POLA1: variants seen among roughly 807,000 people sequenced by gnomAD.
The protein encoded by POLA1 is DNA polymerase alpha 1, catalytic subunit.
A neutral mutation model predicts 124.0 loss-of-function variants in POLA1; 15 were observed. The observed-to-expected ratio is 0.12, with a 90% confidence interval of 0.08 to 0.19. The LOEUF is 0.19. Among genes scored for constraint, POLA1 ranks in the 10% least tolerant of loss-of-function variants. The pLI, the probability that POLA1 is intolerant of heterozygous loss-of-function variation, is 1.00. For missense variants in POLA1, 886 were observed against 1,103.4 expected, an observed-to-expected ratio of 0.80 and a Z score of 2.79; for synonymous variants, 408 against 389.4, an observed-to-expected ratio of 1.05 and a Z score of -0.56.
chrX:24,937,183 A>G (rs2047860153), intron 36 of POLA1, among the ~76,000 whole-genome samples: 3 of 111,591 alleles, frequency 2.7e-5, no homozygotes, highest in African/African-American at 9.8e-5. Flanking sequence ...TACGTAAAGA[A>G]TTTTGGTAAG....
intron 26 of POLA1, among the ~76,000 whole-genome samples, chrX:24,779,268 G>T (rs759284793): frequency 9.0e-6 from 1 of 110,810 alleles, no homozygotes; most frequent in Non-Finnish European, 1.9e-5. Flanking sequence ...TAGTAGAGAC[G>T]GGGTTTCACC....
intron 23 of POLA1, chrX:24,744,562 C>T (rs779008699): frequency 2.8e-6 from 1 of 352,778 alleles, no homozygotes; most frequent in South Asian, 2.6e-5. Flanking sequence ...CGTTCCACTA[C>T]TGACATTTAT....
intron 36 of POLA1, among the ~76,000 whole-genome samples, chrX:24,977,847 G>A (rs1188517460): frequency 9.0e-6 from 1 of 111,311 alleles, no homozygotes; most frequent in Non-Finnish European, 1.9e-5. Flanking sequence ...AGCATGCCTT[G>A]GTGGGCTCAG....
At chrX:24,809,501 G>A (rs1156887352) in intron 26 of POLA1, among the ~76,000 whole-genome samples, 1 of 111,638 alleles carries the variant, frequency 9.0e-6, no homozygotes, top group African/African-American at 3.3e-5. Flanking sequence ...TAAATGTAGT[G>A]TGCTTTTTTT....
intron 34 of POLA1, among the ~76,000 whole-genome samples, chrX:24,863,641 A>G (rs1303523651): frequency 9.0e-6 from 1 of 111,654 alleles, no homozygotes; most frequent in Non-Finnish European, 1.9e-5. Context: ...CATGTCGTCT[A>G]CGGGTCACCC....
chrX:24,929,559 C>T (rs766274054), intron 35 of POLA1, among the ~76,000 whole-genome samples: 16 of 112,106 alleles, frequency 1.4e-4, no homozygotes, highest in Admixed American at 4.7e-4. Flanking sequence ...TTCCCCAGCT[C>T]GCAAGTTTCC....
At chrX:24,901,969 G>C (rs1045589109) in intron 35 of POLA1, among the ~76,000 whole-genome samples, 3 of 110,855 alleles carry the variant, frequency 2.7e-5, no homozygotes, top group African/African-American at 9.9e-5. Context: ...CAAAATTACA[G>C]AACCAGAGAA....
intron 26 of POLA1, among the ~76,000 whole-genome samples, chrX:24,785,486 G>A (rs958825873): frequency 7.2e-5 from 8 of 111,860 alleles, no homozygotes; most frequent in Admixed American, 2.8e-4. Flanking sequence ...GAAGAAAATT[G>A]TGTGAATTTC....
intron 11 of POLA1, 64 bp downstream of exon 11, chrX:24,723,331 C>T (rs1045181477): frequency 1.7e-5 from 12 of 686,389 alleles, no homozygotes; most frequent in Non-Finnish European, 2.8e-5. Flanking sequence ...CTGTGTTTTG[C>T]AGCCAGCTCT....
intron 26 of POLA1, among the ~76,000 whole-genome samples, chrX:24,801,481 C>G (rs2045703432): frequency 9.0e-6 from 1 of 111,615 alleles, no homozygotes. Context: ...CTATAATTTG[C>G]TTATGGTCTC....
intron 34 of POLA1, among the ~76,000 whole-genome samples, chrX:24,862,494 A>G (rs1400106466): frequency 8.9e-6 from 1 of 111,951 alleles, no homozygotes; most frequent in Non-Finnish European, 1.9e-5. Context: ...TGATCAGAAC[A>G]TTGCTTTTTA....
At chrX:24,965,920 G>A (rs767540073) in intron 36 of POLA1, among the ~76,000 whole-genome samples, 1 of 111,501 alleles carries the variant, frequency 9.0e-6, no homozygotes, top group South Asian at 3.8e-4. Context: ...ATAAACAAAG[G>A]TATCAAAAAG....
chrX:24,813,261 A>G (rs1477713706), intron 29 of POLA1, among the ~76,000 whole-genome samples: 1 of 111,125 alleles, frequency 9.0e-6, no homozygotes. Context: ...ATAATTGTTA[A>G]GATTTTCCCA....
chrX:24,888,268 A>G, intron 35 of POLA1, 146 bp downstream of exon 35: 2 of 397,428 alleles, frequency 5.0e-6, no homozygotes, highest in South Asian at 1.1e-4. Context: ...TACAGATTTC[A>G]GAAAGATACA....
intron 36 of POLA1, among the ~76,000 whole-genome samples, chrX:24,967,015 C>T (rs1045139517): frequency 2.7e-5 from 3 of 111,051 alleles, no homozygotes; most frequent in African/African-American, 9.8e-5. Context: ...TTTTTGTGTG[C>T]CAGAAAATAA....
rs754290112 is a variant in POLA1, at chrX:24,788,412, C to T, written c.2965-21486C>T. 58 of 1,192,473 alleles carry T rather than the reference C, an allele frequency of 4.9e-5. No homozygotes were observed. The East Asian group carries it at 1.2e-3, about 26-fold the overall frequency. On this transcript the variant is annotated intron_variant, in intron 26 of 36. Coordinates refer to ENST00000379068, the MANE Select transcript of POLA1 (RefSeq NM_001330360.2). The stretch of plus-strand genomic sequence containing the variant: ...GGATTTTAGATCTTGTTGAAAGCAG[C>T]CACATCCATGGACTGCACGTAGTCC...
chrX:24,756,576 A>G (rs1472421880), intron 26 of POLA1, among the ~76,000 whole-genome samples: 3 of 110,309 alleles, frequency 2.7e-5, no homozygotes, highest in Non-Finnish European at 5.7e-5. Flanking sequence ...AAAAAAAAAA[A>G]TTGAAATTTT....
chrX:24,727,769 T>G lies in POLA1; in HGVS notation c.1532-13T>G. On this transcript the variant is annotated splice_polypyrimidine_tract_variant and intron_variant, in intron 14 of 36. Transcript: ENST00000379068. Reference sequence around the variant, plus strand: ...TAAATAGCTATTGATCTGTTGTATCTATTCTCTTTCAGAGCTCTTGAATCA... The same window carrying G: ...TAAATAGCTATTGATCTGTTGTATCGATTCTCTTTCAGAGCTCTTGAATCA... 3 of 1,196,149 alleles carry G rather than the reference T, an allele frequency of 2.5e-6. No individual in the cohort carries two copies. The highest frequency in any genetic ancestry group is 1.8e-5 in the South Asian group (1 of 55,571).
intron 36 of POLA1, among the ~76,000 whole-genome samples, chrX:24,965,218 C>T (rs977766322): frequency 4.5e-5 from 5 of 112,010 alleles, no homozygotes; most frequent in African/African-American, 1.6e-4. Context: ...AACTAAAAGC[C>T]TACCAGATGT....
Sources: allele counts gnomAD v4.1 joint callset (sites outside exome capture counted in the v4.1 genomes callset), GRCh38; gene constraint gnomAD v4.1.1; transcripts MANE v1.5; gene names NCBI Gene and HGNC (gene_info 2026-07-23, HGNC 2026-07-21).